The following CDH18 variants were observed in gnomAD, a reference collection of about 807,000 sequenced individuals.
CDH18 encodes the protein cadherin-18.
A neutral mutation model predicts 67.9 loss-of-function variants in CDH18; 31 were observed. The ratio of observed to expected loss-of-function variants is 0.46; its 90% CI spans 0.34 to 0.62. CDH18 has a LOEUF of 0.62. Among genes scored for constraint, CDH18 ranks in the 20% least tolerant of loss-of-function variants. CDH18 has a pLI of 0.01. For synonymous variants in CDH18, 362 were observed against 347.2 expected (o/e 1.04, Z -0.48); for missense variants, 890 against 975.5 (o/e 0.91, Z 1.17).
intron 2 of CDH18, among the ~76,000 whole-genome samples, chr5:20,101,691 T>C (rs1233871625): frequency 2.0e-5 from 3 of 152,196 alleles, no homozygotes; most frequent in Non-Finnish European, 2.9e-5. Context: ...AAACACAGAC[T>C]AAACCATAGA....
In CDH18 at chr5:19,871,558, G is replaced by A. The variant is rs114527628; in HGVS notation, c.-256-32316C>T. Among the ~76,000 whole-genome samples, 501 of 152,276 alleles carry A rather than the reference G, an allele frequency of 3.3e-3. 4 individuals are homozygous for A. Among genetic ancestry groups the A allele is most frequent in the African/African-American group, 0.011 (477 of 41,556 alleles). ...GGATGTAGCATATTCCTAAATATGTGCATGTTTTCTAACCTCTTAATATTT... is the reference window on the plus strand; with the variant it reads ...GGATGTAGCATATTCCTAAATATGTACATGTTTTCTAACCTCTTAATATTT... On this transcript the variant is annotated intron_variant, in intron 2 of 12. Transcript: ENST00000382275.
chr5:19,506,832 A>G (rs1744256087), intron 10 of CDH18, among the ~76,000 whole-genome samples: 1 of 152,222 alleles, frequency 6.6e-6, no homozygotes, highest in African/African-American at 2.4e-5. Context: ...ACCATTCAGG[A>G]CATAGGCATG....
chr5:20,175,600 T>C (rs1013185070), intron 2 of CDH18, among the ~76,000 whole-genome samples: 2 of 152,110 alleles, frequency 1.3e-5, no homozygotes, highest in African/African-American at 4.8e-5. Context: ...GGCATCCCTG[T>C]AGAGCTTTGT....
At chr5:20,004,126 CTCTCATTTAG>C (rs1292991329) in intron 2 of CDH18, among the ~76,000 whole-genome samples, 2 of 152,126 alleles carry the variant, frequency 1.3e-5, no homozygotes, top group Non-Finnish European at 2.9e-5. Flanking sequence ...TCCTTCATAT[CTCTCATTTAG>C]TTTTCTAACT....
chr5:19,854,266 G>T lies in CDH18; in HGVS notation c.-256-15024C>A, dbSNP rs1336096509. 3.9e-5 allele frequency among the ~76,000 whole-genome samples: 6 copies of T among 152,028 alleles called. No homozygotes were observed. The South Asian group carries it at 1.2e-3, about 32-fold the overall frequency. On this transcript the variant is annotated intron_variant, in intron 2 of 12. Coordinates refer to ENST00000382275, the MANE Select transcript of CDH18 (RefSeq NM_004934.5). ...AATCTAAAGGTCTGATATCTGATTTGGCAAGACTGTGACCAGAGGTGTGAA... is the reference window on the plus strand; with the variant it reads ...AATCTAAAGGTCTGATATCTGATTTTGCAAGACTGTGACCAGAGGTGTGAA...
chr5:19,498,081 G>A (rs979954811), intron 11 of CDH18, among the ~76,000 whole-genome samples: 2 of 152,168 alleles, frequency 1.3e-5, no homozygotes, highest in African/African-American at 4.8e-5. Flanking sequence ...CACACAGTGG[G>A]TTTGTACCTC....
intron 8 of CDH18, among the ~76,000 whole-genome samples, chr5:19,571,249 T>C (rs1323286710): frequency 6.6e-6 from 1 of 152,214 alleles, no homozygotes; most frequent in East Asian, 1.9e-4. Context: ...CTATACTTCC[T>C]ATCATTAAGG....
At chr5:20,402,554 G>A (rs1410743118) in intron 1 of CDH18, among the ~76,000 whole-genome samples, 1 of 152,060 alleles carries the variant, frequency 6.6e-6, no homozygotes, top group African/African-American at 2.4e-5. Flanking sequence ...ATTTTTTATT[G>A]GTTTCCCAGT....
In CDH18 at chr5:20,419,480, T is replaced by A. The variant is rs1431341571; in HGVS notation, c.-580+155982A>T. On this transcript the variant is annotated intron_variant, in intron 1 of 14. Transcript: ENST00000507958. ...GGACTCTGTTTTTTTTTTTTTTTTTTTTTTTTTTTTTTTGAGATGGAGTCT... is the reference window on the plus strand; with the variant it reads ...GGACTCTGTTTTTTTTTTTTTTTTTATTTTTTTTTTTTTGAGATGGAGTCT... Among the ~76,000 whole-genome samples the A allele has an allele frequency of 3.7e-5, 3 of 80,238 alleles. No homozygotes were observed. In the East Asian group the frequency reaches 1.9e-3, roughly 50 times the overall value. 52.6% of individuals were successfully genotyped at this position (80,238 alleles called of 152,430 possible).
chr5:20,309,384 A>G (rs1736788603), intron 1 of CDH18, among the ~76,000 whole-genome samples: 1 of 152,236 alleles, frequency 6.6e-6, no homozygotes, highest in Middle Eastern at 3.2e-3. Context: ...CTGTCTTAAA[A>G]ATAACATGTC....
At chr5:19,777,034 C>G (rs1774470147) in intron 3 of CDH18, among the ~76,000 whole-genome samples, 2 of 152,156 alleles carry the variant, frequency 1.3e-5, no homozygotes, top group South Asian at 4.1e-4. Flanking sequence ...AATCTCAGCA[C>G]TTTGGGAAGC....
At chr5:19,547,305 T>C (rs1256619628) in intron 8 of CDH18, among the ~76,000 whole-genome samples, 6 of 152,172 alleles carry the variant, frequency 3.9e-5, no homozygotes, top group Admixed American at 3.9e-4. Flanking sequence ...TTGTCCATTT[T>C]TGGTTACTGT....
chr5:19,500,649 C>T (rs1743080091), intron 11 of CDH18, among the ~76,000 whole-genome samples: 1 of 152,122 alleles, frequency 6.6e-6, no homozygotes, highest in African/African-American at 2.4e-5. Flanking sequence ...CACTATGCAA[C>T]CATCCACAGA....
At chr5:20,170,544 A>G (rs1249072319) in intron 2 of CDH18, among the ~76,000 whole-genome samples, 1 of 152,090 alleles carries the variant, frequency 6.6e-6, no homozygotes, top group Non-Finnish European at 1.5e-5. Context: ...ATAGCATACT[A>G]ATAATTTAGT....
At chr5:19,726,489 G>GCA (rs761176138) in intron 4 of CDH18, among the ~76,000 whole-genome samples, 2 of 152,120 alleles carry the variant, frequency 1.3e-5, no homozygotes, top group South Asian at 4.2e-4. Context: ...GTTGAAGGGA[G>GCA]CACACACACA....
chr5:20,342,447 T>A (rs1475571666), intron 1 of CDH18, among the ~76,000 whole-genome samples: 1 of 152,106 alleles, frequency 6.6e-6, no homozygotes, highest in Non-Finnish European at 1.5e-5. Context: ...CCAGGCAAGT[T>A]AATATTGATT....
intron 2 of CDH18, among the ~76,000 whole-genome samples, chr5:20,117,049 G>A (rs1238788001): frequency 6.6e-6 from 1 of 151,508 alleles, no homozygotes; most frequent in Non-Finnish European, 1.5e-5. Context: ...GTGTGTGTGT[G>A]TATTTTTAAA....
At chr5:19,540,396 C>T (rs1008523836) in intron 9 of CDH18, among the ~76,000 whole-genome samples, 4 of 152,060 alleles carry the variant, frequency 2.6e-5, no homozygotes, top group Admixed American at 1.3e-4. Flanking sequence ...AATGGATCTA[C>T]CATTCTGGGG....
At chr5:19,481,583 C>G (rs1739430135) in intron 12 of CDH18, among the ~76,000 whole-genome samples, 1 of 152,120 alleles carries the variant, frequency 6.6e-6, no homozygotes, top group South Asian at 2.1e-4. Context: ...ATGGGACTCT[C>G]TAGCTTTAAA....
Sources: gnomAD v4.1 joint callset for allele counts (sites outside exome capture counted in the v4.1 genomes callset) on GRCh38, gnomAD v4.1.1 for gene constraint, MANE v1.5 for transcripts, NCBI Gene and HGNC (gene_info 2026-07-23, HGNC 2026-07-21) for gene names.